MEIKIN: variants seen among roughly 807,000 people sequenced by gnomAD.
MEIKIN encodes meiotic kinetochore factor, also known as meiosis-specific kinetochore protein.
intron 11 of MEIKIN, among the ~76,000 whole-genome samples, chr5:131,849,571 G>C (rs1269580728): frequency 6.4e-4 from 62 of 96,352 alleles, no homozygotes; most frequent in African/African-American, 2.0e-3. Context: ...TATATATAAA[G>C]AAACCTCTTT....
At chr5:131,930,254 T>C (rs1361292278) in intron 5 of MEIKIN, among the ~76,000 whole-genome samples, 1 of 152,242 alleles carries the variant, frequency 6.6e-6, no homozygotes, top group African/African-American at 2.4e-5. Context: ...TCATTGTGGT[T>C]TTGATTTGCA....
chr5:131,855,627 A>T (rs901075477), intron 9 of MEIKIN, among the ~76,000 whole-genome samples: 1 of 152,066 alleles, frequency 6.6e-6, no homozygotes, highest in South Asian at 2.1e-4. Context: ...AAAGCAAAAG[A>T]CAGAGAAGGA....
intron 8 of MEIKIN, among the ~76,000 whole-genome samples, chr5:131,901,972 A>G (rs1287784062): frequency 2.0e-5 from 3 of 152,278 alleles, no homozygotes; most frequent in African/African-American, 4.8e-5. Flanking sequence ...GTAGTTTCTC[A>G]TAAGTGCTTT....
intron 2 of MEIKIN, 65 bp from the exon 3 acceptor site, chr5:131,944,817 A>T: frequency 2.5e-6 from 1 of 398,930 alleles, no homozygotes; most frequent in Non-Finnish European, 4.4e-6. Context: ...CTCTGTTCAG[A>T]CTCTTTAGAA....
intron 12 of MEIKIN, 24 bp downstream of exon 12, chr5:131,818,716 T>C (rs1773146500): frequency 2.5e-6 from 1 of 396,958 alleles, no homozygotes; most frequent in African/African-American, 2.1e-5. Flanking sequence ...CCAAAAAGTA[T>C]GCTCTGCATT....
At chr5:131,938,145 T>C (rs1301689226) in intron 4 of MEIKIN, among the ~76,000 whole-genome samples, 1 of 150,918 alleles carries the variant, frequency 6.6e-6, no homozygotes, top group African/African-American at 2.4e-5. Context: ...TCACATGCCA[T>C]AGAACTCGCC....
At chr5:131,905,150 C>A (rs10075660) in intron 8 of MEIKIN, among the ~76,000 whole-genome samples, 35,494 of 151,708 alleles carry the variant, frequency 0.23, 4,358 homozygotes, top group East Asian at 0.49. Context: ...GTGAAAAAAA[C>A]CCCATACAAT....
intron 11 of MEIKIN, among the ~76,000 whole-genome samples, chr5:131,835,581 G>A (rs1749791484): frequency 6.6e-6 from 1 of 151,986 alleles, no homozygotes; most frequent in Non-Finnish European, 1.5e-5. Context: ...TGTTTCATTG[G>A]TGTATATATC....
intron 5 of MEIKIN, among the ~76,000 whole-genome samples, chr5:131,932,710 A>G (rs1226010793): frequency 6.6e-6 from 1 of 152,228 alleles, no homozygotes; most frequent in African/African-American, 2.4e-5. Context: ...AGTATTCTCC[A>G]GTCTAGAGTC....
At chr5:131,891,960 C>G (rs1238471608) in intron 8 of MEIKIN, among the ~76,000 whole-genome samples, 1 of 152,094 alleles carries the variant, frequency 6.6e-6, no homozygotes, top group Non-Finnish European at 1.5e-5. Flanking sequence ...GATTTTATTT[C>G]TCCTTCACTT....
rs6887191 is a variant in MEIKIN, at chr5:131,931,061, A to C, written c.478+2452T>G. Among the ~76,000 whole-genome samples the C allele has an allele frequency of 8.6e-4, 131 of 152,196 alleles. 1 individual carries two copies. Among genetic ancestry groups the C allele is most frequent in the African/African-American group, 2.7e-3 (112 of 41,504 alleles). On this transcript the variant is annotated intron_variant, in intron 5 of 12. Transcript: ENST00000442687. The stretch of plus-strand genomic sequence containing the variant: ...GACAATTTTACTTGTATCAGCATCT[A>C]CGCATTAGAAAATAACAGCCACTTC...
intron 8 of MEIKIN, among the ~76,000 whole-genome samples, chr5:131,884,189 G>C (rs1032358544): frequency 1.3e-5 from 2 of 152,144 alleles, no homozygotes; most frequent in Non-Finnish European, 2.9e-5. Context: ...GCGGGGATGT[G>C]ACCTACTGGG....
At chr5:131,886,470 G>GA (rs1307035623) in intron 8 of MEIKIN, among the ~76,000 whole-genome samples, 1 of 152,170 alleles carries the variant, frequency 6.6e-6, no homozygotes, top group African/African-American at 2.4e-5. Context: ...CTTTTCAGTG[G>GA]AAAACCTACA....
At chr5:131,900,815 C>T (rs967593642) in intron 8 of MEIKIN, among the ~76,000 whole-genome samples, 6 of 152,164 alleles carry the variant, frequency 3.9e-5, no homozygotes, top group Admixed American at 3.9e-4. Flanking sequence ...TGCTGGCAGA[C>T]TGCTCCTGAC....
intron 8 of MEIKIN, among the ~76,000 whole-genome samples, chr5:131,901,406 G>C (rs138161064): frequency 6.6e-6 from 1 of 152,184 alleles, no homozygotes; most frequent in East Asian, 1.9e-4. Context: ...AGTGGGGCCT[G>C]TTCCCCCCTG....
At chr5:131,870,214 A>T (rs994353164) in intron 9 of MEIKIN, among the ~76,000 whole-genome samples, 5 of 152,220 alleles carry the variant, frequency 3.3e-5, no homozygotes, top group Non-Finnish European at 5.9e-5. Flanking sequence ...CATAATAATT[A>T]ATATTTTTAA....
chr5:131,917,957 C>T (rs910353745), intron 6 of MEIKIN, among the ~76,000 whole-genome samples: 1 of 152,114 alleles, frequency 6.6e-6, no homozygotes, highest in Admixed American at 6.5e-5. Context: ...CCCGAGGGTC[C>T]AGGCATAGCC....
chr5:131,872,166 G>C (rs1750516259), intron 9 of MEIKIN, among the ~76,000 whole-genome samples: 1 of 152,202 alleles, frequency 6.6e-6, no homozygotes, highest in Non-Finnish European at 1.5e-5. Context: ...TTGACGAGTT[G>C]AGAGAAGAAG....
At chr5:131,930,184 C>A (rs1360908855) in intron 5 of MEIKIN, among the ~76,000 whole-genome samples, 2 of 152,212 alleles carry the variant, frequency 1.3e-5, no homozygotes, top group African/African-American at 2.4e-5. Context: ...TACAATCTCA[C>A]AAACACATTA....
Sources: allele counts gnomAD v4.1 joint callset (sites outside exome capture counted in the v4.1 genomes callset), GRCh38; gene constraint gnomAD v4.1.1; transcripts MANE v1.5; gene names NCBI Gene and HGNC (gene_info 2026-07-23, HGNC 2026-07-21).